The following OR52A1 variants were observed in gnomAD, a reference collection of about 807,000 sequenced individuals.
OR52A1 encodes olfactory receptor 52A1.
A neutral mutation model predicts 14.3 loss-of-function variants in OR52A1; 14 were observed. The ratio of observed to expected loss-of-function variants is 0.98; its 90% CI spans 0.65 to 1.54. OR52A1 has a LOEUF of 1.54. Ranked by LOEUF, OR52A1 falls within the 40% of genes most tolerant of loss-of-function variation. The pLI is 0.00. For synonymous variants in OR52A1, 151 were observed against 135.3 expected (o/e 1.12, Z -0.80); for missense variants, 405 against 381.3 (o/e 1.06, Z -0.52).
rs2133533519 is a variant in OR52A1 at position 5,148,645 on chromosome 11, T to G, written c.*2786A>C. 6.6e-6 allele frequency: 1 copy of G among 152,222 alleles called. No individual in the cohort carries two copies. Among genetic ancestry groups the G allele is most frequent in the Non-Finnish European group, 1.5e-5 (1 of 68,022 alleles). The allele number at this position is 152,222 out of a possible 1,614,324, so 9.4% of individuals were successfully genotyped here. A position where few individuals can be genotyped will look rare whatever the true frequency, so the allele number is the denominator to read the frequency against. ...GCCTGAAGTCACTTCTACTAGAAAA[T>G]GCCAATAGCCTATTGGAAATCCTCT... On this transcript the variant is annotated 3_prime_UTR_variant, in exon 2 of 2. Coordinates refer to ENST00000380367, the MANE Select transcript of OR52A1 (RefSeq NM_012375.3).
Position 5,151,339 on chromosome 11 carries a change from C to A in OR52A1, c.*92G>T. On this transcript the variant is annotated 3_prime_UTR_variant, in exon 2 of 2. Transcript: ENST00000380367. ...CTATTGTGCTGGCAGATTTCACAAA[C>A]CCAGCATCTCAAATAATATGTTTTT... is the stretch of plus-strand genomic sequence containing the variant. The A allele has an allele frequency of 9.3e-7, 1 of 1,077,054 alleles. No individual in the cohort carries two copies. Among genetic ancestry groups the A allele is most frequent in the Admixed American group, 2.3e-5 (1 of 44,266 alleles). The allele number at this position is 1,077,054 out of a possible 1,614,324, so 66.7% of individuals were successfully genotyped here. A position where few individuals can be genotyped will look rare whatever the true frequency, so the allele number is the denominator to read the frequency against.
chr11:5,151,853 G>A lies in OR52A1; in HGVS notation c.517C>T (p.His173Tyr), dbSNP rs764480143. Reference protein sequence around the residue: ...VLIKCRFQFYHTTVISHSYCE... With the variant: ...VLIKCRFQFYYTTVISHSYCE... ...TAGGAGTGGGAGATGACTGTTGTGT[G>A]ATAAAATTGAAACCGGCACTTTATC... Residue 173 changes from histidine (H) to tyrosine (Y), a missense_variant, in exon 2 of 2, where the codon CAC becomes TAC. Coordinates refer to ENST00000380367, the MANE Select transcript of OR52A1 (RefSeq NM_012375.3). 8.1e-5 allele frequency: 130 copies of A among 1,614,028 alleles called. No individual in the cohort carries two copies. Among genetic ancestry groups the A allele is most frequent in the Non-Finnish European group, 1.0e-4 (123 of 1,180,034 alleles).
chr11:5,152,424 G>C lies in OR52A1; in HGVS notation c.-55C>G, dbSNP rs1846559550. On this transcript the variant is annotated 5_prime_UTR_variant, in exon 2 of 2. Transcript: ENST00000380367. ...AAGAAGTTTCTCAGTCAGTGTTACTGTTCCTCTTCTGCTTTCTGATTTTCT... is the reference window on the plus strand; with the variant it reads ...AAGAAGTTTCTCAGTCAGTGTTACTCTTCCTCTTCTGCTTTCTGATTTTCT... 23 of 1,257,636 alleles carry C rather than the reference G, an allele frequency of 1.8e-5. No homozygotes were observed. The highest frequency in any genetic ancestry group is 2.6e-5 in the Non-Finnish European group (23 of 899,882). 77.9% of individuals were successfully genotyped at this position (1,257,636 alleles called of 1,614,324 possible).
Position 5,152,076 on chromosome 11 carries a change from G to A in OR52A1, c.294C>T (p.Ser98=). 1 of 1,614,062 alleles carries A rather than the reference G, an allele frequency of 6.2e-7. No individual in the cohort carries two copies. Among genetic ancestry groups the A allele is most frequent in the Non-Finnish European group, 8.5e-7 (1 of 1,179,966 alleles). ...WFNVPEIYFD[S]CLLQMWFIHT... ...GGATGAACCACATTTGAAGCAAGCA[G>A]GAATCAAAATAGATTTCAGGCACAT... Residue 98 remains serine, a synonymous_variant, in exon 2 of 2, where the codon TCC becomes TCT. Transcript: ENST00000380367.
At chr11:5,154,163 T>C (rs1846582533) in intron 1 of OR52A1, among the ~76,000 whole-genome samples, 1 of 152,194 alleles carries the variant, frequency 6.6e-6, no homozygotes, top group Admixed American at 6.5e-5. Context: ...AGAATAAGAA[T>C]CCTTTAATGG....
rs1846515664 is a variant in OR52A1, at chr11:5,149,195, A to G, written c.*2236T>C. The G allele has an allele frequency of 6.6e-6, 1 of 152,146 alleles. No homozygotes were observed. Among genetic ancestry groups the G allele is most frequent in the East Asian group, 1.9e-4 (1 of 5,190 alleles). The allele number at this position is 152,146 out of a possible 1,614,324, so 9.4% of individuals were successfully genotyped here. On this transcript the variant is annotated 3_prime_UTR_variant, in exon 2 of 2. Transcript: ENST00000380367. Reference sequence around the variant, plus strand: ...ATTAGTAAGTCTCAGCTTGGGACTGATCCTGAAATTTGAAGACTACAGTAA... The same window carrying G: ...ATTAGTAAGTCTCAGCTTGGGACTGGTCCTGAAATTTGAAGACTACAGTAA...
chr11:5,150,013 G>A lies in OR52A1; in HGVS notation c.*1418C>T, dbSNP rs1846522945. 6.6e-6 allele frequency: 1 copy of A among 152,064 alleles called. No homozygotes were observed. The highest frequency in any genetic ancestry group is 2.4e-5 in the African/African-American group (1 of 41,400). 9.4% of individuals were successfully genotyped at this position (152,064 alleles called of 1,614,324 possible). A position where few individuals can be genotyped will look rare whatever the true frequency, so the allele number is the denominator to read the frequency against. On this transcript the variant is annotated 3_prime_UTR_variant, in exon 2 of 2. Coordinates refer to ENST00000380367, the MANE Select transcript of OR52A1 (RefSeq NM_012375.3). ...AGTGGTTTTAATCTGGTAAATCAAA[G>A]TATGGACATCTGCCCATATGTGAAT...
rs1846525878 is a variant in OR52A1, at chr11:5,150,254, T to C, written c.*1177A>G. ...CACACACACACACACACACACGTCT[T>C]ACTTGTAGAACACAAGCAAACAAAT... On this transcript the variant is annotated 3_prime_UTR_variant, in exon 2 of 2. Transcript: ENST00000380367. The C allele has an allele frequency of 6.6e-6, 1 of 150,926 alleles. No individual in the cohort carries two copies. The highest frequency in any genetic ancestry group is 2.1e-4 in the South Asian group (1 of 4,746). The allele number at this position is 150,926 out of a possible 1,614,324, so 9.3% of individuals were successfully genotyped here.
In OR52A1 at chr11:5,151,257, G is replaced by T. The variant is rs372252635; in HGVS notation, c.*174C>A. On this transcript the variant is annotated 3_prime_UTR_variant, in exon 2 of 2. Transcript: ENST00000380367. ...CATTTCACACTTCTCACTTTCATTA[G>T]TCACGTAGAATTCACAATCCCACTG... The T allele has an allele frequency of 1.7e-6, 1 of 587,720 alleles. No individual in the cohort carries two copies. Among genetic ancestry groups the T allele is most frequent in the Admixed American group, 3.1e-5 (1 of 32,398 alleles). 36.4% of individuals were successfully genotyped at this position (587,720 alleles called of 1,614,324 possible).
chr11:5,153,819 C>CTTTTTTTTTTTTTTT (rs58039145), intron 1 of OR52A1, among the ~76,000 whole-genome samples: 1 of 119,002 alleles, frequency 8.4e-6, no homozygotes, highest in Non-Finnish European at 1.7e-5. Context: ...GAAAAAGCAG[C>CTTTTTTTTTTTTTTT]TTTTTTTTTT....
chr11:5,153,923 G>A (rs992998409), intron 1 of OR52A1, among the ~76,000 whole-genome samples: 1 of 147,450 alleles, frequency 6.8e-6, no homozygotes, highest in African/African-American at 2.5e-5. Context: ...AACAACAAAT[G>A]TTCAACTGCT....
In OR52A1 at chr11:5,152,245, A is replaced by T; in HGVS notation, c.125T>A (p.Ile42Asn). The T allele has an allele frequency of 6.2e-7, 1 of 1,614,140 alleles. No homozygotes were observed. The highest frequency in any genetic ancestry group is 1.7e-5 in the Admixed American group (1 of 60,022). The change falls in exon 2 of 2, where the codon ATT becomes AAT. Residue 42 changes from isoleucine to asparagine, a missense_variant. Ile to Asn is a moderately radical substitution (Grantham distance 149). Transcript: ENST00000380367. Reference sequence around the variant, plus strand: ...GATGCTCAGAAGCAAGGAATTTCCAATCATAGCAATGAGATAAATGGCACA... The same window carrying T: ...GATGCTCAGAAGCAAGGAATTTCCATTCATAGCAATGAGATAAATGGCACA... ...PFCAIYLIAM[I>N]GNSLLLSIIK...
chr11:5,151,164 T>C lies in OR52A1; in HGVS notation c.*267A>G. 3.6e-6 allele frequency: 1 copy of C among 280,216 alleles called. No individual in the cohort carries two copies. The allele number at this position is 280,216 out of a possible 1,614,324, so 17.4% of individuals were successfully genotyped here. On this transcript the variant is annotated 3_prime_UTR_variant, in exon 2 of 2. Coordinates refer to ENST00000380367, the MANE Select transcript of OR52A1 (RefSeq NM_012375.3). ...ATAAATCCTCCTGGAGAAATATTCT[T>C]AGAAGAATAACTCAACCAGGGGCTA...
Position 5,150,439 on chromosome 11 carries a change from A to G in OR52A1, c.*992T>C, listed in dbSNP as rs941689485. The G allele has an allele frequency of 2.0e-5, 3 of 152,158 alleles. No individual in the cohort carries two copies. Among genetic ancestry groups the G allele is most frequent in the Non-Finnish European group, 4.4e-5 (3 of 68,028 alleles). The allele number at this position is 152,158 out of a possible 1,614,324, so 9.4% of individuals were successfully genotyped here. A position where few individuals can be genotyped will look rare whatever the true frequency, so the allele number is the denominator to read the frequency against. On this transcript the variant is annotated 3_prime_UTR_variant, in exon 2 of 2. Transcript: ENST00000380367. ...AACTAGAGTTACCTTAAACTACATT[A>G]TCTAGTTTAAATCTCCTCTACTATC...
Position 5,146,850 on chromosome 11 carries a change from C to G in OR52A1, c.*4581G>C, listed in dbSNP as rs1249492927. 1 of 152,148 alleles carries G rather than the reference C, an allele frequency of 6.6e-6. No individual in the cohort carries two copies. Among genetic ancestry groups the G allele is most frequent in the East Asian group, 1.9e-4 (1 of 5,192 alleles). The allele number at this position is 152,148 out of a possible 1,614,324, so 9.4% of individuals were successfully genotyped here. The stretch of plus-strand genomic sequence containing the variant: ...TTGTGTATGTTAGTCTCAGACCTTG[C>G]ATGGAGGCGACCACAGTTACTGTCC... On this transcript the variant is annotated 3_prime_UTR_variant, in exon 2 of 2. Coordinates refer to ENST00000380367, the MANE Select transcript of OR52A1 (RefSeq NM_012375.3).
At chr11:5,153,626 A>G (rs1409598164) in intron 1 of OR52A1, among the ~76,000 whole-genome samples, 2 of 152,180 alleles carry the variant, frequency 1.3e-5, no homozygotes, top group Non-Finnish European at 2.9e-5. Context: ...ACATATTTTG[A>G]ATCAGTACAT....
In OR52A1 at chr11:5,154,510, A is replaced by AGTAG. The variant is rs1201898816; in HGVS notation, c.-386_-385insCTAC. 6.6e-6 allele frequency: 1 copy of AGTAG among 152,134 alleles called. No individual in the cohort carries two copies. The highest frequency in any genetic ancestry group is 1.5e-5 in the Non-Finnish European group (1 of 68,016). The allele number at this position is 152,134 out of a possible 1,614,324, so 9.4% of individuals were successfully genotyped here. On this transcript the variant is annotated 5_prime_UTR_variant, in exon 1 of 2. It introduces an in-frame stop codon into an upstream open reading frame of the 5' UTR. Coordinates refer to ENST00000380367, the MANE Select transcript of OR52A1 (RefSeq NM_012375.3). ...AAGTTGTGGGTTCTGTGATGGCTCT[A>AGTAG]CTTTCTGTCTGCACTCTGTGTAACA...
chr11:5,149,864 T>C lies in OR52A1; in HGVS notation c.*1567A>G, dbSNP rs574035685. On this transcript the variant is annotated 3_prime_UTR_variant, in exon 2 of 2. Transcript: ENST00000380367. ...TGAAACTTGAAACAGTCTCAAAAGA[T>C]CCCTTAAGATAGCCTCTATAATCAT... is the stretch of plus-strand genomic sequence containing the variant. 9 of 152,238 alleles carry C rather than the reference T, an allele frequency of 5.9e-5. No homozygotes were observed. Among genetic ancestry groups the C allele is most frequent in the African/African-American group, 1.7e-4 (7 of 41,546 alleles). The allele number at this position is 152,238 out of a possible 1,614,324, so 9.4% of individuals were successfully genotyped here. A position where few individuals can be genotyped will look rare whatever the true frequency, so the allele number is the denominator to read the frequency against.
Position 5,152,311 on chromosome 11 carries a change from G to C in OR52A1, c.59C>G (p.Pro20Arg), listed in dbSNP as rs754497432. 1 of 1,613,930 alleles carries C rather than the reference G, an allele frequency of 6.2e-7. No individual in the cohort carries two copies. The highest frequency in any genetic ancestry group is 8.5e-7 in the Non-Finnish European group (1 of 1,179,890). Residue 20 changes from proline (P) to arginine (R), a missense_variant, in exon 2 of 2, where the codon CCA (proline) becomes CGA (arginine). Physicochemically the swap from Pro to Arg is moderately radical, Grantham distance 103. Coordinates refer to ENST00000380367, the MANE Select transcript of OR52A1 (RefSeq NM_012375.3). ...MPSVLTLVGIPGLESVQCWIG... is the reference protein window; with the variant it reads ...MPSVLTLVGIRGLESVQCWIG... ...CCAGCACTGCACAGATTCTAGGCCT[G>C]GGATCCCTACTAGTGTCAACACAGA...
Sources: gnomAD v4.1 joint callset for allele counts (sites outside exome capture counted in the v4.1 genomes callset) on GRCh38, gnomAD v4.1.1 for gene constraint, MANE v1.5 for transcripts, NCBI Gene and HGNC (gene_info 2026-07-23, HGNC 2026-07-21) for gene names.